TMEFF2: variants seen among roughly 807,000 people sequenced by gnomAD.
TMEFF2 encodes tomoregulin-2.
Under a neutral mutation model 53.8 loss-of-function variants are expected in TMEFF2, and 28 were observed. That is an observed-to-expected ratio of 0.52 (90% CI 0.39 to 0.71). The LOEUF (loss-of-function observed/expected upper bound fraction) is 0.71. Ranked by LOEUF, TMEFF2 falls within the 30% of genes least tolerant of loss-of-function variation. TMEFF2 has a pLI of 0.00. For synonymous variants in TMEFF2, 162 were observed against 166.3 expected (o/e 0.97, Z 0.20); for missense variants, 353 against 455.2 (o/e 0.78, Z 2.04).
intron 5 of TMEFF2, among the ~76,000 whole-genome samples, chr2:192,040,527 G>A (rs1687448043): frequency 6.6e-6 from 1 of 151,996 alleles, no homozygotes; most frequent in Admixed American, 6.5e-5. Flanking sequence ...TTGCCTTCTG[G>A]ACATGATAGA....
At chr2:192,149,238 T>C (rs1203432212) in intron 4 of TMEFF2, among the ~76,000 whole-genome samples, 1 of 151,906 alleles carries the variant, frequency 6.6e-6, no homozygotes, top group African/African-American at 2.4e-5. Context: ...AAGCTTTCTC[T>C]AGAAGCACTT....
intron 8 of TMEFF2, among the ~76,000 whole-genome samples, chr2:191,954,209 T>C (rs6714292): frequency 0.37 from 56,145 of 151,894 alleles, 10,832 homozygotes; most frequent in African/African-American, 0.48. Flanking sequence ...TATAGTTGAT[T>C]GATGGGCATT....
chr2:192,084,122 C>T (rs760256764), intron 4 of TMEFF2, among the ~76,000 whole-genome samples: 6 of 152,190 alleles, frequency 3.9e-5, no homozygotes, highest in African/African-American at 9.6e-5. Flanking sequence ...CACAACTCAT[C>T]GTGGTAGAGA....
chr2:191,956,139 TTTG>T, intron 8 of TMEFF2, 113 bp downstream of exon 8: 1 of 1,137,172 alleles, frequency 8.8e-7, no homozygotes, highest in Non-Finnish European at 1.2e-6. Context: ...AGAGAAAAGT[TTTG>T]TTGCTGATTA....
At chr2:191,951,849 C>CATAG (rs1691894872) in intron 9 of TMEFF2, among the ~76,000 whole-genome samples, 1 of 151,956 alleles carries the variant, frequency 6.6e-6, no homozygotes, top group Non-Finnish European at 1.5e-5. Context: ...CCCTCAAAAG[C>CATAG]CAATAAATTG....
At chr2:192,060,433 G>A (rs972855826) in intron 4 of TMEFF2, among the ~76,000 whole-genome samples, 10 of 152,156 alleles carry the variant, frequency 6.6e-5, no homozygotes, top group African/African-American at 2.4e-4. Context: ...TTAGCGGGTG[G>A]TGAAATTAAT....
rs142408163 is a variant in TMEFF2 at position 192,117,575 on chromosome 2, G to A, written c.440-59800C>T. 6.9e-4 allele frequency among the ~76,000 whole-genome samples: 105 copies of A among 152,180 alleles called. 2 individuals carry two copies. The highest frequency in any genetic ancestry group is 2.5e-3 in the African/African-American group (102 of 41,540). On this transcript the variant is annotated intron_variant, in intron 4 of 9. Coordinates refer to ENST00000272771, the MANE Select transcript of TMEFF2 (RefSeq NM_016192.4). ...GAGAACCTAAGGCTGATTAAGGCTA[G>A]CTTCCTAGAACTCCAAACTCCAAAA...
chr2:192,147,590 T>C (rs1356204773), intron 4 of TMEFF2, among the ~76,000 whole-genome samples: 2 of 152,008 alleles, frequency 1.3e-5, no homozygotes, highest in Non-Finnish European at 2.9e-5. Context: ...GTTTGGTTTT[T>C]TGTCCTTGTG....
At chr2:192,060,077 T>A (rs1023879985) in intron 4 of TMEFF2, among the ~76,000 whole-genome samples, 1 of 151,498 alleles carries the variant, frequency 6.6e-6, no homozygotes, top group Non-Finnish European at 1.5e-5. Flanking sequence ...CCCTGAGATA[T>A]CCTTGGAGAT....
chr2:191,978,854 G>A (rs942541781), intron 7 of TMEFF2, among the ~76,000 whole-genome samples: 8 of 152,176 alleles, frequency 5.3e-5, no homozygotes, highest in African/African-American at 1.2e-4. Context: ...GGTGAATTCC[G>A]TAGCCTCAAC....
intron 4 of TMEFF2, among the ~76,000 whole-genome samples, chr2:192,096,692 T>G (rs1688917231): frequency 6.8e-6 from 1 of 146,112 alleles, no homozygotes; most frequent in South Asian, 2.2e-4. Flanking sequence ...TTTTTTTTTT[T>G]TGAGGTGGAG....
At position 191,995,881 on chromosome 2, in the gene TMEFF2, A is replaced by G. The variant is rs117714761; in HGVS notation, c.745+2381T>C. Among the ~76,000 whole-genome samples the G allele has an allele frequency of 9.0e-4, 137 of 152,088 alleles. No homozygotes were observed. In the East Asian group the frequency reaches 0.025, roughly 28 times the overall value. On this transcript the variant is annotated intron_variant, in intron 7 of 9. Coordinates refer to ENST00000272771, the MANE Select transcript of TMEFF2 (RefSeq NM_016192.4). ...ATTTTTAAAATTTACTTTTATCTTA[A>G]AAGTTTTTCTTTAGAGTTTGCAGGA...
intron 4 of TMEFF2, among the ~76,000 whole-genome samples, chr2:192,102,923 C>T (rs1449942965): frequency 1.3e-5 from 2 of 150,984 alleles, no homozygotes; most frequent in Non-Finnish European, 3.0e-5. Context: ...TGTAGTTGAT[C>T]CCTAAAATGA....
In TMEFF2 at chr2:191,949,143, T is replaced by C; in HGVS notation, c.*1168A>G. The C allele has an allele frequency of 1.0e-6, 1 of 985,276 alleles. No homozygotes were observed. Among genetic ancestry groups the C allele is most frequent in the Non-Finnish European group, 1.2e-6 (1 of 829,794 alleles). The allele number at this position is 985,276 out of a possible 1,614,324, so 61.0% of individuals were successfully genotyped here. A position where few individuals can be genotyped will look rare whatever the true frequency, so the allele number is the denominator to read the frequency against. On this transcript the variant is annotated 3_prime_UTR_variant, in exon 10 of 10. Transcript: ENST00000272771. ...TAATAATTGATTTATTTTCATCTTA[T>C]TCCTTGAGAATTTTCACAGCTTATT...
chr2:192,178,989 A>G (rs1211272185), intron 4 of TMEFF2: 1 of 150,928 alleles, frequency 6.6e-6, no homozygotes, highest in African/African-American at 2.4e-5. Context: ...TCTATAGGTA[A>G]AATCTTTATT....
At chr2:192,059,881 A>G (rs1007751138) in intron 4 of TMEFF2, among the ~76,000 whole-genome samples, 1 of 152,170 alleles carries the variant, frequency 6.6e-6, no homozygotes, top group African/African-American at 2.4e-5. Flanking sequence ...GTCACCCACA[A>G]AGAAATATAA....
chr2:191,957,242 G>T (rs150310776), intron 7 of TMEFF2, among the ~76,000 whole-genome samples: 1 of 152,134 alleles, frequency 6.6e-6, no homozygotes, highest in African/African-American at 2.4e-5. Context: ...AGTGTCTTTT[G>T]AGTCTTAATA....
At position 191,961,057 on chromosome 2, in the gene TMEFF2, C is replaced by T. The variant is rs569410104; in HGVS notation, c.746-4679G>A. ...TATTTTTGATACGCTAGGAGAAAGA[C>T]GTAGAGAAATAGAGATATTATTTAT... On this transcript the variant is annotated intron_variant, in intron 7 of 9. Coordinates refer to ENST00000272771, the MANE Select transcript of TMEFF2 (RefSeq NM_016192.4). Among the ~76,000 whole-genome samples, 11 of 152,048 alleles carry T rather than the reference C, an allele frequency of 7.2e-5. No homozygotes were observed. The South Asian group carries it at 8.3e-4, about 11-fold the overall frequency.
At chr2:192,149,936 T>G (rs1690344200) in intron 4 of TMEFF2, among the ~76,000 whole-genome samples, 1 of 151,930 alleles carries the variant, frequency 6.6e-6, no homozygotes, top group Admixed American at 6.6e-5. Context: ...CTCAGTAACT[T>G]TATTAAGTGC....
Sources: allele counts gnomAD v4.1 joint callset (sites outside exome capture counted in the v4.1 genomes callset), GRCh38; gene constraint gnomAD v4.1.1; transcripts MANE v1.5; gene names NCBI Gene and HGNC (gene_info 2026-07-23, HGNC 2026-07-21).